The following CLASP1 variants were observed in gnomAD, a reference collection of about 807,000 sequenced individuals.
CLASP1 encodes the protein cytoplasmic linker associated protein 1.
A neutral mutation model predicts 192.3 loss-of-function variants in CLASP1; 38 were observed. The ratio of observed to expected loss-of-function variants is 0.20; its 90% CI spans 0.15 to 0.26. CLASP1 has a LOEUF of 0.26. Among genes scored for constraint, CLASP1 ranks in the 10% least tolerant of loss-of-function variants. CLASP1 has a pLI of 1.00. For synonymous variants in CLASP1, 691 were observed against 712.8 expected (o/e 0.97, Z 0.49); for missense variants, 1,433 against 1,932.5 (o/e 0.74, Z 4.85).
At chr2:121,635,892 T>C (rs977588103) in intron 1 of CLASP1, among the ~76,000 whole-genome samples, 1 of 152,218 alleles carries the variant, frequency 6.6e-6, no homozygotes, top group African/African-American at 2.4e-5. Context: ...GTTACCAGAA[T>C]CTTAAATAGC....
At position 121,530,964 on chromosome 2, in the gene CLASP1, A is replaced by G. The variant is rs750878745; in HGVS notation, c.196-639T>C. 4.3e-5 allele frequency: 30 copies of G among 700,346 alleles called. No homozygotes were observed. The highest frequency in any genetic ancestry group is 2.6e-4 in the Admixed American group (13 of 49,996). The allele number at this position is 700,346 out of a possible 1,614,324, so 43.4% of individuals were successfully genotyped here. A position where few individuals can be genotyped will look rare whatever the true frequency, so the allele number is the denominator to read the frequency against. On this transcript the variant is annotated intron_variant, in intron 2 of 39. Coordinates refer to ENST00000263710, the Ensembl canonical transcript of CLASP1. The stretch of plus-strand genomic sequence containing the variant: ...GCTAACGCCTGAACAACACACCCGC[A>G]TCAACTAGAGCTTTTGCTTTATTTT...
At chr2:121,441,867 C>T (rs954827201) in intron 19 of CLASP1, among the ~76,000 whole-genome samples, 1 of 152,096 alleles carries the variant, frequency 6.6e-6, no homozygotes, top group Non-Finnish European at 1.5e-5. Flanking sequence ...CTAAAATTCA[C>T]AGTTCTTGGA....
intron 2 of CLASP1, among the ~76,000 whole-genome samples, chr2:121,531,339 C>CA (rs774594036): frequency 2.6e-5 from 4 of 152,018 alleles, no homozygotes; most frequent in Non-Finnish European, 5.9e-5. Context: ...CTCACGCCTG[C>CA]AATCCCAGCA....
intron 1 of CLASP1, among the ~76,000 whole-genome samples, chr2:121,618,189 C>A (rs998130059): frequency 6.6e-6 from 1 of 152,228 alleles, no homozygotes. Flanking sequence ...AGGGACCTAA[C>A]TATATTTTGT....
In CLASP1 at chr2:121,436,638, T is replaced by C. The variant is rs562853628; in HGVS notation, c.1913-6461A>G. On this transcript the variant is annotated intron_variant, in intron 19 of 39. Transcript: ENST00000263710. The stretch of plus-strand genomic sequence containing the variant: ...GTTGGCCAGGCTGGTCTCAAACTCC[T>C]GGCCTTCAGTGATCCACCCACCTCA... Among the ~76,000 whole-genome samples the C allele has an allele frequency of 5.3e-5, 8 of 152,184 alleles. No individual in the cohort carries two copies. In the East Asian group the frequency reaches 5.8e-4, roughly 11 times the overall value.
chr2:121,620,601 G>A (rs1205855491), intron 1 of CLASP1, among the ~76,000 whole-genome samples: 2 of 152,104 alleles, frequency 1.3e-5, no homozygotes, highest in Non-Finnish European at 2.9e-5. Context: ...ACCCACCTTG[G>A]CCTCCCAAAG....
rs2077608463 is a variant in CLASP1, at chr2:121,410,943, T to C, written c.2347A>G (p.Arg783Gly). 3 of 1,610,292 alleles carry C rather than the reference T, an allele frequency of 1.9e-6. No individual in the cohort carries two copies. Among genetic ancestry groups the C allele is most frequent in the Non-Finnish European group, 1.7e-6 (2 of 1,178,780 alleles). Reference sequence around the variant, plus strand: ...ATGGCATTCACAGAACCAGGTATTCTTCCTGGCTGGCCAAGCCCAAACCGA... The same window carrying C: ...ATGGCATTCACAGAACCAGGTATTCCTCCTGGCTGGCCAAGCCCAAACCGA... Residue 783 changes from arginine (R) to glycine (G), a missense_variant, in exon 24 of 40, where the codon AGA (arginine) becomes GGA (glycine). Physicochemically the swap from Arg to Gly is moderately radical, Grantham distance 125 (BLOSUM62 -2). Transcript: ENST00000263710.
chr2:121,483,496 G>C (rs1248670274), intron 8 of CLASP1, among the ~76,000 whole-genome samples: 1 of 151,584 alleles, frequency 6.6e-6, no homozygotes, highest in Non-Finnish European at 1.5e-5. Flanking sequence ...ATATATATGT[G>C]TGTATATATA....
At chr2:121,561,277 T>C (rs977349321) in intron 2 of CLASP1, among the ~76,000 whole-genome samples, 1 of 152,236 alleles carries the variant, frequency 6.6e-6, no homozygotes, top group African/African-American at 2.4e-5. Context: ...GTTTGATCTT[T>C]AGAAACTATA....
chr2:121,369,648 G>A (rs914679360), intron 34 of CLASP1, among the ~76,000 whole-genome samples: 6 of 152,208 alleles, frequency 3.9e-5, no homozygotes, highest in East Asian at 1.9e-4. Flanking sequence ...CGGTGTGCAC[G>A]CTGGCTTCTG....
intron 8 of CLASP1, among the ~76,000 whole-genome samples, chr2:121,475,006 A>C (rs893798532): frequency 1.3e-5 from 2 of 152,104 alleles, no homozygotes. Context: ...GCACATAAAA[A>C]CCCCTAAACC....
intron 1 of CLASP1, among the ~76,000 whole-genome samples, chr2:121,632,190 G>A (rs2069821808): frequency 6.6e-6 from 1 of 152,198 alleles, no homozygotes; most frequent in Non-Finnish European, 1.5e-5. Flanking sequence ...GTTGCAGTGA[G>A]CTGAGATTGT....
rs145597428 is a variant in CLASP1 at position 121,646,351 on chromosome 2, G to A, written c.-286+3021C>T. The stretch of plus-strand genomic sequence containing the variant: ...GTTGGTCTCAAACTCCATGCAACCC[G>A]CCCACCTTGGCCTCCCAAAATGCTA... On this transcript the variant is annotated intron_variant, in intron 1 of 39. Coordinates refer to ENST00000263710, the Ensembl canonical transcript of CLASP1. 3.0e-3 allele frequency among the ~76,000 whole-genome samples: 454 copies of A among 152,196 alleles called. 3 individuals carry two copies. Among genetic ancestry groups the A allele is most frequent in the African/African-American group, 0.01 (417 of 41,518 alleles).
At chr2:121,390,025 C>T (rs1014703556) in intron 30 of CLASP1, among the ~76,000 whole-genome samples, 1 of 152,116 alleles carries the variant, frequency 6.6e-6, no homozygotes, top group Non-Finnish European at 1.5e-5. Context: ...TAGGCATATG[C>T]CATAGTGCCG....
chr2:121,469,072 C>A (rs1418077840), intron 9 of CLASP1, among the ~76,000 whole-genome samples: 5 of 152,154 alleles, frequency 3.3e-5, no homozygotes, highest in Admixed American at 6.6e-5. Context: ...GTTTAACAGT[C>A]TGGTCACTCT....
chr2:121,459,108 T>C (rs1407214391), intron 12 of CLASP1, 133 bp from the exon 13 acceptor site: 7 of 581,730 alleles, frequency 1.2e-5, no homozygotes, highest in Non-Finnish European at 1.7e-5. Context: ...CCGATGTGCA[T>C]GTTAAGAACT....
chr2:121,567,014 G>A (rs2059568862), intron 2 of CLASP1, among the ~76,000 whole-genome samples: 1 of 152,194 alleles, frequency 6.6e-6, no homozygotes, highest in African/African-American at 2.4e-5. Flanking sequence ...AAGAGTTTGG[G>A]TTCTGAACAC....
At chr2:121,445,364 G>T in intron 19 of CLASP1, 1 of 788,696 alleles carries the variant, frequency 1.3e-6, no homozygotes, top group Non-Finnish European at 1.9e-6. Context: ...AAAAGGCAGA[G>T]CCAAGTAAGA....
intron 2 of CLASP1, among the ~76,000 whole-genome samples, chr2:121,568,207 C>T (rs2059676251): frequency 6.6e-6 from 1 of 152,000 alleles, no homozygotes; most frequent in Admixed American, 6.6e-5. Context: ...TGACGTCCAG[C>T]CAGAATTGGT....
Sources: gnomAD v4.1 joint callset for allele counts (sites outside exome capture counted in the v4.1 genomes callset) on GRCh38, gnomAD v4.1.1 for gene constraint, MANE v1.5 for transcripts, NCBI Gene and HGNC (gene_info 2026-07-23, HGNC 2026-07-21) for gene names.